Variants in ESYT2 observed in about 807,000 individuals in gnomAD.
ESYT2 encodes extended synaptotagmin-2.
Under a neutral mutation model 107.2 loss-of-function variants are expected in ESYT2, and 54 were observed. The ratio of observed to expected loss-of-function variants is 0.50; its 90% CI spans 0.40 to 0.63. The LOEUF (loss-of-function observed/expected upper bound fraction) is 0.63. Ranked by LOEUF, ESYT2 falls within the 30% of genes least tolerant of loss-of-function variation. The pLI is 0.00. For missense variants in ESYT2, 1,020 were observed against 1,094.5 expected (o/e 0.93, Z 0.96); for synonymous variants, 491 against 434.1 (o/e 1.13, Z -1.63).
intron 13 of ESYT2, among the ~76,000 whole-genome samples, chr7:158,757,622 G>A (rs1837807082): frequency 6.6e-6 from 1 of 152,140 alleles, no homozygotes; most frequent in Non-Finnish European, 1.5e-5. Context: ...AAGGATCCTA[G>A]AGCCCGCGGG....
chr7:158,798,515 G>A (rs924582293), intron 2 of ESYT2, among the ~76,000 whole-genome samples: 2 of 151,682 alleles, frequency 1.3e-5, no homozygotes, highest in African/African-American at 2.4e-5. Context: ...GCGTGGTGGT[G>A]CGTGCCTGTA....
chr7:158,759,691 C>T (rs1587400668), intron 12 of ESYT2, 110 bp from the exon 13 acceptor site: 1 of 822,960 alleles, frequency 1.2e-6, no homozygotes, highest in East Asian at 2.6e-5. Flanking sequence ...GGTGAGAAAC[C>T]ATCCAATCCA....
intron 3 of ESYT2, among the ~76,000 whole-genome samples, chr7:158,795,511 G>C (rs1409512621): frequency 6.6e-6 from 1 of 152,218 alleles, no homozygotes; most frequent in African/African-American, 2.4e-5. Flanking sequence ...CCTGGAGCTA[G>C]TATGGTTTTC....
At chr7:158,749,318 C>T (rs913518059) in intron 15 of ESYT2, among the ~76,000 whole-genome samples, 7 of 152,062 alleles carry the variant, frequency 4.6e-5, no homozygotes, top group African/African-American at 9.7e-5. Context: ...GAGGTTTCAC[C>T]GTATTGGCCA....
intron 6 of ESYT2, among the ~76,000 whole-genome samples, chr7:158,781,481 TGTGA>T (rs1838805814): frequency 6.7e-6 from 1 of 149,160 alleles, no homozygotes; most frequent in Non-Finnish European, 1.5e-5. Context: ...GAGGTGTGAG[TGTGA>T]AACAAGTGAA....
intron 7 of ESYT2, 46 bp from the exon 8 acceptor site, chr7:158,767,820 G>A (rs375080486): frequency 1.3e-4 from 198 of 1,580,626 alleles, no homozygotes; most frequent in South Asian, 1.7e-4. Flanking sequence ...TCAGACATGT[G>A]AATGCTTCTC....
At chr7:158,768,780 C>A (rs1838254753) in intron 7 of ESYT2, among the ~76,000 whole-genome samples, 1 of 152,174 alleles carries the variant, frequency 6.6e-6, no homozygotes, top group Non-Finnish European at 1.5e-5. Context: ...GTAATCCCTA[C>A]ACTTTGGGGA....
chr7:158,789,481 C>T (rs952599963), intron 4 of ESYT2, among the ~76,000 whole-genome samples: 2 of 149,736 alleles, frequency 1.3e-5, no homozygotes, highest in Admixed American at 1.3e-4. Flanking sequence ...CTCAGCCTTC[C>T]GAGTAGCTGG....
chr7:158,807,767 T>C (rs572050331), intron 1 of ESYT2, among the ~76,000 whole-genome samples: 36 of 152,300 alleles, frequency 2.4e-4, no homozygotes, highest in African/African-American at 8.2e-4. Context: ...ACGGCTGTGT[T>C]CCAAAAGAAC....
intron 1 of ESYT2, among the ~76,000 whole-genome samples, chr7:158,816,930 A>C (rs1049075093): frequency 6.6e-6 from 1 of 152,248 alleles, no homozygotes; most frequent in Non-Finnish European, 1.5e-5. Context: ...GGTGTTAACA[A>C]ATTTTAGGTA....
chr7:158,799,904 C>T (rs972739327), intron 1 of ESYT2, among the ~76,000 whole-genome samples: 8 of 152,154 alleles, frequency 5.3e-5, no homozygotes, highest in African/African-American at 1.9e-4. Flanking sequence ...CTGAGGATTA[C>T]TTAAAGCCAG....
intron 1 of ESYT2, among the ~76,000 whole-genome samples, chr7:158,813,447 T>G (rs1840043805): frequency 6.6e-6 from 1 of 152,044 alleles, no homozygotes; most frequent in Admixed American, 6.5e-5. Context: ...TCGGGCTCAT[T>G]AGTTGTGACA....
chr7:158,813,523 A>C (rs559521476), intron 1 of ESYT2, among the ~76,000 whole-genome samples: 1 of 152,368 alleles, frequency 6.6e-6, no homozygotes, highest in South Asian at 2.1e-4. Context: ...ATTTTTCTGG[A>C]AATCCAGAAT....
intron 9 of ESYT2, among the ~76,000 whole-genome samples, chr7:158,763,540 C>A (rs558430145): frequency 1.3e-5 from 2 of 152,148 alleles, no homozygotes; most frequent in Non-Finnish European, 2.9e-5. Context: ...AATGATCCAC[C>A]CACCTCGGCC....
At chr7:158,815,721 A>C (rs1009368393) in intron 1 of ESYT2, among the ~76,000 whole-genome samples, 2 of 152,144 alleles carry the variant, frequency 1.3e-5, no homozygotes, top group South Asian at 4.1e-4. Context: ...CCCACCTCTG[A>C]AAGACCACAT....
chr7:158,802,482 T>A (rs1424952722), intron 1 of ESYT2, among the ~76,000 whole-genome samples: 1 of 152,192 alleles, frequency 6.6e-6, no homozygotes, highest in Non-Finnish European at 1.5e-5. Context: ...GGTTTTGCCA[T>A]GTTGGCCACG....
chr7:158,756,999 T>C (rs1400782184), intron 13 of ESYT2, among the ~76,000 whole-genome samples: 1 of 151,556 alleles, frequency 6.6e-6, no homozygotes, highest in East Asian at 1.9e-4. Flanking sequence ...ACATCTCACA[T>C]TGAGATGAAC....
chr7:158,817,545 T>A (rs1350041071), intron 1 of ESYT2, among the ~76,000 whole-genome samples: 5 of 152,204 alleles, frequency 3.3e-5, no homozygotes, highest in African/African-American at 1.2e-4. Context: ...TGTACCTGCT[T>A]CCAGGTGTCC....
chr7:158,752,290 T>C (rs1182842320), intron 14 of ESYT2, among the ~76,000 whole-genome samples: 2 of 152,188 alleles, frequency 1.3e-5, no homozygotes, highest in Non-Finnish European at 2.9e-5. Context: ...TTTAATGAAA[T>C]TGAAAGCTTC....
Sources: allele counts gnomAD v4.1 joint callset (sites outside exome capture counted in the v4.1 genomes callset), GRCh38; gene constraint gnomAD v4.1.1; transcripts MANE v1.5; gene names NCBI Gene and HGNC (gene_info 2026-07-23, HGNC 2026-07-21).